Variants in DLGAP2 observed in about 807,000 individuals in gnomAD.
The protein encoded by DLGAP2 is DLG associated protein 2.
Under a neutral mutation model 100.3 loss-of-function variants are expected in DLGAP2, and 26 were observed. The observed-to-expected ratio is 0.26, with a 90% CI of 0.19 to 0.36. The LOEUF (loss-of-function observed/expected upper bound fraction) is 0.36. Among genes scored for constraint, DLGAP2 ranks in the 10% least tolerant of loss-of-function variants. The probability of loss-of-function intolerance (pLI) is 1.00; values close to 1 mark genes in which losing one functional copy is unlikely to be tolerated. For synonymous variants in DLGAP2, 886 were observed against 630.1 expected, an observed-to-expected ratio of 1.41 and a Z score of -6.08; for missense variants, 1,858 against 1,453.2, an observed-to-expected ratio of 1.28 and a Z score of -4.53.
chr8:1,165,469 T>C (rs2116662879), intron 2 of DLGAP2, among the ~76,000 whole-genome samples: 1 of 152,316 alleles, frequency 6.6e-6, no homozygotes, highest in Middle Eastern at 3.4e-3. Context: ...CATTTGTTTT[T>C]GGTGCAAAGG....
intron 11 of DLGAP2, 70 bp from the exon 12 acceptor site, chr8:1,678,144 C>A: frequency 6.5e-7 from 1 of 1,528,718 alleles, no homozygotes; most frequent in Non-Finnish European, 8.8e-7. Context: ...TGACAGGCGA[C>A]ATGTAGGACT....
chr8:1,206,967 G>T (rs1798009939), intron 2 of DLGAP2, among the ~76,000 whole-genome samples: 1 of 152,224 alleles, frequency 6.6e-6, no homozygotes, highest in African/African-American at 2.4e-5. Flanking sequence ...CCGTCTCGGT[G>T]AAACTTCCTG....
chr8:845,137 C>T (rs1220148807), intron 1 of DLGAP2, among the ~76,000 whole-genome samples: 1 of 152,174 alleles, frequency 6.6e-6, no homozygotes, highest in Non-Finnish European at 1.5e-5. Context: ...TTGTGCACAA[C>T]TTTTTGCGTG....
chr8:974,661 A>C (rs1800117979), intron 2 of DLGAP2, among the ~76,000 whole-genome samples: 1 of 152,228 alleles, frequency 6.6e-6, no homozygotes, highest in African/African-American at 2.4e-5. Flanking sequence ...TTCGTCAAAG[A>C]AGAAGTCTCA....
chr8:1,125,573 G>A (rs927940666), intron 2 of DLGAP2, among the ~76,000 whole-genome samples: 10 of 152,088 alleles, frequency 6.6e-5, no homozygotes, highest in African/African-American at 2.4e-4. Context: ...TTCTTCTTGC[G>A]ATCTAATCTG....
chr8:1,308,207 A>G (rs556531804), intron 3 of DLGAP2, among the ~76,000 whole-genome samples: 1 of 152,328 alleles, frequency 6.6e-6, no homozygotes, highest in South Asian at 2.1e-4. Flanking sequence ...AGAATGGGAA[A>G]GGTGTTTTTG....
chr8:1,244,105 T>C (rs563246805), intron 2 of DLGAP2, among the ~76,000 whole-genome samples: 5 of 152,272 alleles, frequency 3.3e-5, no homozygotes, highest in East Asian at 3.9e-4. Flanking sequence ...CATTCCACCG[T>C]AGGGATGGTG....
At chr8:1,282,531 ACCC>A (rs1799838513) in intron 3 of DLGAP2, among the ~76,000 whole-genome samples, 9 of 66,398 alleles carry the variant, frequency 1.4e-4, no homozygotes, top group African/African-American at 4.7e-4. Flanking sequence ...TGAACCCAGC[ACCC>A]TGAACCATCC....
intron 2 of DLGAP2, among the ~76,000 whole-genome samples, chr8:1,076,284 G>A (rs1803606634): frequency 6.6e-6 from 1 of 152,212 alleles, no homozygotes. Flanking sequence ...AATGGCATGA[G>A]CCCCCGCCGG....
At chr8:1,253,356 C>T (rs1275091975) in intron 2 of DLGAP2, among the ~76,000 whole-genome samples, 3 of 152,216 alleles carry the variant, frequency 2.0e-5, no homozygotes, top group African/African-American at 7.2e-5. Flanking sequence ...ACTGCGCACC[C>T]CTCCCCGGGT....
Position 1,417,494 on chromosome 8 carries a change from G to C in DLGAP2, c.107-83872G>C, listed in dbSNP as rs928537529. Among the ~76,000 whole-genome samples, 6 of 152,174 alleles carry C rather than the reference G, an allele frequency of 3.9e-5. No individual in the cohort carries two copies. In the East Asian group the frequency reaches 5.8e-4, roughly 15 times the overall value. On this transcript the variant is annotated intron_variant, in intron 3 of 14. Transcript: ENST00000637795. ...AGGTTAATGTGGTAACAGTTTCCACGGGGCTCACCAGGGCAGGCATAGTAC... is the reference window on the plus strand; with the variant it reads ...AGGTTAATGTGGTAACAGTTTCCACCGGGCTCACCAGGGCAGGCATAGTAC...
At chr8:1,273,518 G>A (rs1023277538) in intron 3 of DLGAP2, among the ~76,000 whole-genome samples, 5 of 152,300 alleles carry the variant, frequency 3.3e-5, no homozygotes, top group African/African-American at 1.2e-4. Context: ...GGCAGTTCAC[G>A]TGCTCAAGTG....
At chr8:1,457,542 T>C (rs141729503) in intron 3 of DLGAP2, among the ~76,000 whole-genome samples, 249 of 152,358 alleles carry the variant, frequency 1.6e-3, no homozygotes, top group African/African-American at 5.9e-3. Context: ...TGGCAGCAAG[T>C]TGAAACTTTA....
intron 2 of DLGAP2, among the ~76,000 whole-genome samples, chr8:1,102,330 T>C (rs2129043968): frequency 6.8e-6 from 1 of 147,494 alleles, no homozygotes; most frequent in East Asian, 2.0e-4. Context: ...TATATATAAA[T>C]TACATATATA....
intron 1 of DLGAP2, among the ~76,000 whole-genome samples, chr8:870,047 C>G (rs1173625735): frequency 6.6e-6 from 1 of 151,536 alleles, no homozygotes; most frequent in Non-Finnish European, 1.5e-5. Flanking sequence ...AAGTCAAATT[C>G]TGGGTCGTCT....
intron 6 of DLGAP2, chr8:1,621,624 A>C (rs1406714188): frequency 2.0e-5 from 3 of 152,152 alleles, no homozygotes; most frequent in African/African-American, 4.8e-5. Flanking sequence ...GCCACTGAGC[A>C]GGTGCTCCAT....
chr8:1,479,499 T>C (rs1020963488), intron 3 of DLGAP2, among the ~76,000 whole-genome samples: 1 of 152,066 alleles, frequency 6.6e-6, no homozygotes, highest in Non-Finnish European at 1.5e-5. Context: ...ATTGGATCCA[T>C]CCTGAAAGGG....
At chr8:1,252,862 G>T (rs931420130) in intron 2 of DLGAP2, among the ~76,000 whole-genome samples, 55 of 152,234 alleles carry the variant, frequency 3.6e-4, no homozygotes, top group African/African-American at 1.2e-3. Flanking sequence ...GAGGAAAGAC[G>T]TTGGTGTTTT....
chr8:896,676 A>G (rs1457056398), intron 1 of DLGAP2, among the ~76,000 whole-genome samples: 3 of 152,054 alleles, frequency 2.0e-5, no homozygotes, highest in East Asian at 3.9e-4. Context: ...ACTGTCTTCT[A>G]TGGGAGGGCA....
Sources: allele counts gnomAD v4.1 joint callset (sites outside exome capture counted in the v4.1 genomes callset), GRCh38; gene constraint gnomAD v4.1.1; transcripts MANE v1.5; gene names NCBI Gene and HGNC (gene_info 2026-07-23, HGNC 2026-07-21).